Variants in PRSS12 observed in about 807,000 individuals in gnomAD.
PRSS12 encodes neurotrypsin.
Under a neutral mutation model 104.4 loss-of-function variants are expected in PRSS12, and 85 were observed. The observed-to-expected ratio is 0.81, with a 90% confidence interval of 0.68 to 0.98. The LOEUF (loss-of-function observed/expected upper bound fraction) is 0.98, where lower values mean the gene tolerates loss of function less well. Ranked by LOEUF, PRSS12 falls within the 50% of genes least tolerant of loss-of-function variation. The pLI, the probability that PRSS12 is intolerant of heterozygous loss-of-function variation, is 0.00. For synonymous variants in PRSS12, 454 were observed against 425.2 expected (o/e 1.07, Z -0.83); for missense variants, 1,141 against 1,139.2 (o/e 1.00, Z -0.02).
At position 118,295,001 on chromosome 4, in the gene PRSS12, G is replaced by C. The variant is rs1321145249; in HGVS notation, c.1977C>G (p.Leu659=). The C allele has an allele frequency of 6.2e-7, 1 of 1,614,142 alleles. No homozygotes were observed. The highest frequency in any genetic ancestry group is 8.5e-7 in the Non-Finnish European group (1 of 1,180,030). Residue 659 remains leucine, a synonymous_variant, in exon 11 of 13, where the codon CTC becomes CTG. Transcript: ENST00000296498. ...TACTCAGGAGCGTAGCCCCGCAGAG[G>C]AGCCTGCCATCTCCATGGGATGACT... ...RLKSSHGDGR[L]LCGATLLSSC...
chr4:118,322,118 G>A (rs1325159705), intron 4 of PRSS12, among the ~76,000 whole-genome samples: 1 of 152,118 alleles, frequency 6.6e-6, no homozygotes, highest in Non-Finnish European at 1.5e-5. Context: ...TGAAAGCACT[G>A]ATGTTCCTAG....
intron 5 of PRSS12, 112 bp downstream of exon 5, chr4:118,318,266 A>G: frequency 9.8e-7 from 1 of 1,023,930 alleles, no homozygotes. Context: ...TATTTGGTGT[A>G]TTTATTTGTA....
intron 7 of PRSS12, 73 bp downstream of exon 7, chr4:118,313,127 AT>A: frequency 6.4e-7 from 1 of 1,553,218 alleles, no homozygotes; most frequent in Non-Finnish European, 8.8e-7. Flanking sequence ...GAAACACTTC[AT>A]ATTCAAGGCC....
chr4:118,351,805 A>T (rs1724513325), intron 1 of PRSS12, among the ~76,000 whole-genome samples: 1 of 152,302 alleles, frequency 6.6e-6, no homozygotes, highest in African/African-American at 2.4e-5. Context: ...CGTTAATGTA[A>T]CATTTCCCTT....
chr4:118,326,168 A>G (rs76536953), intron 4 of PRSS12, among the ~76,000 whole-genome samples: 2,206 of 152,318 alleles, frequency 0.014, 55 homozygotes, highest in African/African-American at 0.05. Context: ...TTAGGTTATA[A>G]AAGATTGGCT....
intron 8 of PRSS12, among the ~76,000 whole-genome samples, chr4:118,304,370 A>G (rs1444298773): frequency 6.6e-6 from 1 of 151,968 alleles, no homozygotes; most frequent in Admixed American, 6.6e-5. Flanking sequence ...AAATTACTAT[A>G]TTTATATTTC....
At chr4:118,293,580 T>C (rs1362339491) in intron 11 of PRSS12, among the ~76,000 whole-genome samples, 1 of 151,986 alleles carries the variant, frequency 6.6e-6, no homozygotes, top group East Asian at 1.9e-4. Context: ...ATTTAAAAAA[T>C]CAATTACAAA....
At chr4:118,304,229 G>C (rs1743478046) in intron 8 of PRSS12, among the ~76,000 whole-genome samples, 1 of 151,130 alleles carries the variant, frequency 6.6e-6, no homozygotes, top group African/African-American at 2.4e-5. Flanking sequence ...TATTTTTAAG[G>C]CATAATAACA....
chr4:118,294,538 C>A (rs1184552765), intron 11 of PRSS12, among the ~76,000 whole-genome samples: 4 of 152,138 alleles, frequency 2.6e-5, no homozygotes, highest in African/African-American at 9.7e-5. Flanking sequence ...CTCAAAGGTA[C>A]AAGACACCAA....
In PRSS12 at chr4:118,340,507, C is replaced by G. The variant is rs923913737; in HGVS notation, c.503-2193G>C. Among the ~76,000 whole-genome samples the G allele has an allele frequency of 2.6e-5, 4 of 152,278 alleles. No individual in the cohort carries two copies. In the South Asian group the frequency reaches 8.3e-4, roughly 32 times the overall value. ...TGTCTATTCGGAGGAAACCATCTACCTAGGACTCAGAATGAGTATTTATAT... is the reference window on the plus strand; with the variant it reads ...TGTCTATTCGGAGGAAACCATCTACGTAGGACTCAGAATGAGTATTTATAT... On this transcript the variant is annotated intron_variant, in intron 1 of 12. Coordinates refer to ENST00000296498, the MANE Select transcript of PRSS12 (RefSeq NM_003619.4).
chr4:118,352,952 G>A lies in PRSS12; in HGVS notation c.-232C>T. The A allele has an allele frequency of 1.2e-5, 14 of 1,147,584 alleles. No individual in the cohort carries two copies. The highest frequency in any genetic ancestry group is 1.5e-5 in the Non-Finnish European group (13 of 870,922). 71.1% of individuals were successfully genotyped at this position (1,147,584 alleles called of 1,614,324 possible). A position where few individuals can be genotyped will look rare whatever the true frequency, so the allele number is the denominator to read the frequency against. On this transcript the variant is annotated 5_prime_UTR_variant, in exon 1 of 13. Transcript: ENST00000296498. ...CGCGGGTGGGGAAATCTGGAGCTCA[G>A]CCGAGCCCCGGCCGGCGGAGAGGAC...
At chr4:118,338,399 TA>T in intron 1 of PRSS12, 85 bp from the exon 2 acceptor site, 1 of 1,520,406 alleles carries the variant, frequency 6.6e-7, no homozygotes, top group Non-Finnish European at 9.0e-7. Context: ...ACATGATTTT[TA>T]AACTTAAGTA....
chr4:118,321,794 T>C (rs981240995), intron 4 of PRSS12, among the ~76,000 whole-genome samples: 5 of 152,226 alleles, frequency 3.3e-5, no homozygotes, highest in African/African-American at 1.2e-4. Flanking sequence ...TCAATCAATA[T>C]CTTAACATTT....
chr4:118,318,270 A>G, intron 5 of PRSS12, 108 bp downstream of exon 5: 1 of 1,065,360 alleles, frequency 9.4e-7, no homozygotes, highest in Non-Finnish European at 1.4e-6. Flanking sequence ...TGGTGTATTT[A>G]TTTGTATGCT....
At chr4:118,300,159 T>C (rs546043883) in intron 8 of PRSS12, among the ~76,000 whole-genome samples, 17 of 151,998 alleles carry the variant, frequency 1.1e-4, no homozygotes, top group African/African-American at 3.9e-4. Context: ...TACAGGCGCA[T>C]GCCACCATGC....
At chr4:118,302,398 A>G (rs765673172) in intron 8 of PRSS12, among the ~76,000 whole-genome samples, 3 of 152,240 alleles carry the variant, frequency 2.0e-5, no homozygotes, top group African/African-American at 4.8e-5. Context: ...AAAGATTTCC[A>G]TAAGTTTCTT....
chr4:118,317,941 T>C (rs560194831), intron 5 of PRSS12, among the ~76,000 whole-genome samples: 26 of 152,294 alleles, frequency 1.7e-4, no homozygotes, highest in Non-Finnish European at 3.1e-4. Flanking sequence ...AGTCTGAAAA[T>C]TGTGCATAGC....
intron 2 of PRSS12, among the ~76,000 whole-genome samples, chr4:118,337,243 T>C (rs1020499833): frequency 6.6e-6 from 1 of 152,202 alleles, no homozygotes; most frequent in Non-Finnish European, 1.5e-5. Flanking sequence ...ACTGCAAACC[T>C]CTTTTTCAGT....
intron 11 of PRSS12, among the ~76,000 whole-genome samples, chr4:118,287,615 C>T (rs181733800): frequency 6.6e-6 from 1 of 152,160 alleles, no homozygotes; most frequent in Non-Finnish European, 1.5e-5. Context: ...TTTTTGTCTT[C>T]TAGTGTCACC....
Sources: allele counts gnomAD v4.1 joint callset (sites outside exome capture counted in the v4.1 genomes callset), GRCh38; gene constraint gnomAD v4.1.1; transcripts MANE v1.5; gene names NCBI Gene and HGNC (gene_info 2026-07-23, HGNC 2026-07-21).